HMGB1: variants seen among roughly 807,000 people sequenced by gnomAD.
HMGB1 encodes the protein high mobility group box 1.
For synonymous variants in HMGB1, 81 were observed against 84.0 expected (o/e 0.96, Z 0.19); for missense variants, 79 against 253.5 (o/e 0.31, Z 4.67).
In HMGB1 at chr13:30,457,614, G is replaced by A. The variant is rs1886044899; in HGVS notation, c.*3743C>T. ...GTCCAAACCAATGCACATGTCTAAA[G>A]TCATCTAGCATTTCTTCCTGGTAGA... On this transcript the variant is annotated 3_prime_UTR_variant, in exon 5 of 5. Coordinates refer to ENST00000341423, the MANE Select transcript of HMGB1 (RefSeq NM_002128.7). The A allele has an allele frequency of 6.6e-6, 1 of 152,164 alleles. No homozygotes were observed. Among genetic ancestry groups the A allele is most frequent in the Admixed American group, 6.5e-5 (1 of 15,286 alleles). 9.4% of individuals were successfully genotyped at this position (152,164 alleles called of 1,614,324 possible).
At chr13:30,536,718 T>C (rs2137492901) in intron 1 of HMGB1, among the ~76,000 whole-genome samples, 1 of 152,368 alleles carries the variant, frequency 6.6e-6, no homozygotes, top group East Asian at 1.9e-4. Context: ...TGGACCCTCA[T>C]TGCATTTCCT....
intron 1 of HMGB1, among the ~76,000 whole-genome samples, chr13:30,583,550 A>T (rs1479588036): frequency 1.3e-5 from 2 of 150,396 alleles, no homozygotes; most frequent in Non-Finnish European, 3.0e-5. Context: ...AAAAAAAAAA[A>T]AGAAGCAGGG....
chr13:30,566,276 C>A (rs955642600), intron 1 of HMGB1, among the ~76,000 whole-genome samples: 1 of 152,204 alleles, frequency 6.6e-6, no homozygotes. Flanking sequence ...TTTCAAAAAT[C>A]AGCAATTTTA....
At chr13:30,489,578 C>A (rs560814166) in intron 1 of HMGB1, among the ~76,000 whole-genome samples, 1 of 152,090 alleles carries the variant, frequency 6.6e-6, no homozygotes, top group Non-Finnish European at 1.5e-5. Flanking sequence ...ACGTGTAGCT[C>A]TCACTAGGAG....
At position 30,587,462 on chromosome 13, in the gene HMGB1, C is replaced by T. The variant is rs148274738; in HGVS notation, c.-15+29209G>A. On this transcript the variant is annotated intron_variant, in intron 1 of 4. Transcript: ENST00000405805. ...TCAGCTTGCCAAGTAGCTGGGACTACAGGTCCCTGCCACCACACCCAGCAG... is the reference window on the plus strand; with the variant it reads ...TCAGCTTGCCAAGTAGCTGGGACTATAGGTCCCTGCCACCACACCCAGCAG... Among the ~76,000 whole-genome samples the T allele has an allele frequency of 3.9e-3, 589 of 152,308 alleles. 3 individuals carry two copies. Among genetic ancestry groups the T allele is most frequent in the Admixed American group, 0.01 (153 of 15,300 alleles).
At chr13:30,465,369 GCGCCGCCGCTGCCCTCCCGC>G (rs1189487174) in intron 1 of HMGB1, 3 of 138,134 alleles carry the variant, frequency 2.2e-5, no homozygotes, top group Middle Eastern at 4.6e-3. Context: ...GCCCGGGGAA[GCGCCGCCGCTGCCCTCCCGC>G]CGCCGCCGCC....
chr13:30,601,233 T>A (rs1950396957), intron 1 of HMGB1, among the ~76,000 whole-genome samples: 1 of 152,136 alleles, frequency 6.6e-6, no homozygotes, highest in African/African-American at 2.4e-5. Flanking sequence ...CCAAAACCTA[T>A]AAGAAGTAAT....
At chr13:30,515,439 T>C (rs1309759532) in intron 1 of HMGB1, among the ~76,000 whole-genome samples, 4 of 152,234 alleles carry the variant, frequency 2.6e-5, no homozygotes, top group African/African-American at 7.2e-5. Context: ...ATTTTTGTCA[T>C]GCAACAATAG....
At chr13:30,561,813 A>G (rs1288620821) in intron 1 of HMGB1, among the ~76,000 whole-genome samples, 2 of 152,180 alleles carry the variant, frequency 1.3e-5, no homozygotes, top group African/African-American at 2.4e-5. Context: ...CAGAAGACAA[A>G]GCGGATCATC....
chr13:30,531,371 T>C (rs148650792), intron 1 of HMGB1, among the ~76,000 whole-genome samples: 13 of 152,254 alleles, frequency 8.5e-5, no homozygotes, highest in African/African-American at 3.1e-4. Flanking sequence ...AAAGAGGGTA[T>C]GTATTCACAC....
chr13:30,538,490 CTTTCTTT>C (rs71847626), intron 1 of HMGB1, among the ~76,000 whole-genome samples: 5,363 of 59,518 alleles, frequency 0.09, 152 homozygotes, highest in East Asian at 0.17. Flanking sequence ...TTCTTTCTTT[CTTTCTTT>C]CTTTCTTTCT....
At chr13:30,554,052 C>A in intron 1 of HMGB1, 1 of 1,396,516 alleles carries the variant, frequency 7.2e-7, no homozygotes, top group African/African-American at 1.4e-5. Flanking sequence ...GCAGTACTGG[C>A]CAACAGATGA....
intron 1 of HMGB1, among the ~76,000 whole-genome samples, chr13:30,520,960 T>A (rs1888224730): frequency 6.6e-6 from 1 of 152,222 alleles, no homozygotes; most frequent in South Asian, 2.1e-4. Context: ...CCTTCTGGGA[T>A]TTTATTCCAG....
chr13:30,591,124 G>A (rs1253344590), intron 1 of HMGB1, among the ~76,000 whole-genome samples: 3 of 147,584 alleles, frequency 2.0e-5, no homozygotes, highest in Non-Finnish European at 4.4e-5. Flanking sequence ...TCCACCTCCA[G>A]GGTTCAAGCA....
intron 1 of HMGB1, among the ~76,000 whole-genome samples, chr13:30,472,258 C>G (rs1324223820): frequency 6.6e-6 from 1 of 152,088 alleles, no homozygotes; most frequent in Non-Finnish European, 1.5e-5. Flanking sequence ...CAGAGTGAGA[C>G]TCTGTCTCAA....
rs1254202823 is a variant in HMGB1 at position 30,461,139 on chromosome 13, C to A, written c.*218G>T. 1.5e-6 allele frequency: 2 copies of A among 1,297,834 alleles called. No individual in the cohort carries two copies. The highest frequency in any genetic ancestry group is 2.0e-6 in the Non-Finnish European group (2 of 1,020,320). The allele number at this position is 1,297,834 out of a possible 1,614,324, so 80.4% of individuals were successfully genotyped here. On this transcript the variant is annotated 3_prime_UTR_variant, in exon 5 of 5. Transcript: ENST00000341423. ...GCCAATTTACAACCCCCATACTGTACCAGGCAAGGTTAGTGGCTATTGAAA... is the reference window on the plus strand; with the variant it reads ...GCCAATTTACAACCCCCATACTGTAACAGGCAAGGTTAGTGGCTATTGAAA...
At chr13:30,511,231 G>A (rs777355802) in intron 1 of HMGB1, among the ~76,000 whole-genome samples, 14 of 152,130 alleles carry the variant, frequency 9.2e-5, no homozygotes, top group Non-Finnish European at 7.3e-5. Flanking sequence ...CAAATGATAC[G>A]GTTTGGATAT....
At chr13:30,613,761 G>A (rs866340039) in intron 1 of HMGB1, among the ~76,000 whole-genome samples, 6 of 152,116 alleles carry the variant, frequency 3.9e-5, no homozygotes, top group Non-Finnish European at 7.4e-5. Flanking sequence ...TACAATACTG[G>A]CATGGAGAAC....
chr13:30,601,103 G>T (rs930376927), intron 1 of HMGB1, among the ~76,000 whole-genome samples: 4 of 152,104 alleles, frequency 2.6e-5, no homozygotes, highest in Non-Finnish European at 5.9e-5. Flanking sequence ...CCTTAAGAAG[G>T]TTCTTTATAA....
Sources: gnomAD v4.1 joint callset for allele counts (sites outside exome capture counted in the v4.1 genomes callset) on GRCh38, gnomAD v4.1.1 for gene constraint, MANE v1.5 for transcripts, NCBI Gene and HGNC (gene_info 2026-07-23, HGNC 2026-07-21) for gene names.